KSR2: variants seen among roughly 807,000 people sequenced by gnomAD.
KSR2 encodes kinase suppressor of ras 2.
A neutral mutation model predicts 107.8 loss-of-function variants in KSR2; 25 were observed. That is an observed-to-expected ratio of 0.23 (90% confidence interval 0.17 to 0.32). The LOEUF (loss-of-function observed/expected upper bound fraction) is 0.32, where lower values mean the gene tolerates loss of function less well. Ranked by LOEUF, KSR2 falls within the 10% of genes least tolerant of loss-of-function variation. The pLI, the probability that KSR2 is intolerant of heterozygous loss-of-function variation, is 1.00. For missense variants in KSR2, 887 were observed against 1,268.9 expected, an observed-to-expected ratio of 0.70 and a Z score of 4.57; for synonymous variants, 480 against 507.0, an observed-to-expected ratio of 0.95 and a Z score of 0.71.
chr12:117,660,212 C>T (rs1291982599), intron 5 of KSR2, among the ~76,000 whole-genome samples: 2 of 152,122 alleles, frequency 1.3e-5, no homozygotes, highest in South Asian at 2.1e-4. Context: ...AGGAGGTCTG[C>T]GTTGGTTTCC....
At chr12:117,489,463 C>G (rs1303591982) in intron 14 of KSR2, among the ~76,000 whole-genome samples, 3 of 150,272 alleles carry the variant, frequency 2.0e-5, no homozygotes, top group Admixed American at 6.7e-5. Flanking sequence ...GGGAGGATCT[C>G]TTGAGTCCAG....
At chr12:117,855,955 G>A (rs1893089284) in intron 2 of KSR2, among the ~76,000 whole-genome samples, 1 of 152,100 alleles carries the variant, frequency 6.6e-6, no homozygotes, top group African/African-American at 2.4e-5. Flanking sequence ...CCACTCTGCA[G>A]GGACTCATCT....
intron 1 of KSR2, among the ~76,000 whole-genome samples, chr12:117,872,864 A>T (rs139377129): frequency 6.6e-6 from 1 of 152,182 alleles, no homozygotes; most frequent in Non-Finnish European, 1.5e-5. Context: ...GCTCATTTGT[A>T]CAATAGGCTC....
chr12:117,579,253 C>G (rs376412131), intron 6 of KSR2, 51 bp from the exon 7 acceptor site: 89 of 1,305,804 alleles, frequency 6.8e-5, no homozygotes, highest in Non-Finnish European at 9.3e-5. Flanking sequence ...GGCGACTGAC[C>G]TATCTCTAGA....
intron 2 of KSR2, among the ~76,000 whole-genome samples, chr12:117,856,079 C>T (rs1269813079): frequency 6.6e-6 from 1 of 152,154 alleles, no homozygotes; most frequent in East Asian, 1.9e-4. Flanking sequence ...AGGGCTCACA[C>T]TGGTCTTCAG....
At position 117,777,175 on chromosome 12, in the gene KSR2, C is replaced by CTATATATATATATATATATATATA. The variant is rs56862811; in HGVS notation, c.473-15652_473-15651insTATATATATATATATATATATATA. Among the ~76,000 whole-genome samples, 57 of 136,778 alleles carry CTATATATATATATATATATATATA rather than the reference C, an allele frequency of 4.2e-4. 1 individual carries two copies. Among genetic ancestry groups the CTATATATATATATATATATATATA allele is most frequent in the African/African-American group, 1.5e-3 (55 of 35,766 alleles). 89.7% of individuals were successfully genotyped at this position (136,778 alleles called of 152,430 possible). A position where few individuals can be genotyped will look rare whatever the true frequency, so the allele number is the denominator to read the frequency against. ...TATATACACACCATACATATATACA[C>CTATATATATATATATATATATATA]TATATATATATATATATAGTTGATT... On this transcript the variant is annotated intron_variant, in intron 3 of 19. Coordinates refer to ENST00000339824, the MANE Select transcript of KSR2 (RefSeq NM_173598.6).
intron 4 of KSR2, among the ~76,000 whole-genome samples, chr12:117,737,173 T>C (rs1296104712): frequency 6.6e-6 from 1 of 152,248 alleles, no homozygotes; most frequent in Non-Finnish European, 1.5e-5. Context: ...CTGAGAATAC[T>C]CTTGTCTCTA....
At chr12:117,879,041 A>C (rs1893952765) in intron 1 of KSR2, among the ~76,000 whole-genome samples, 1 of 152,186 alleles carries the variant, frequency 6.6e-6, no homozygotes, top group Non-Finnish European at 1.5e-5. Context: ...ACCTCAGGCA[A>C]TCAGGGAATT....
intron 1 of KSR2, among the ~76,000 whole-genome samples, chr12:117,900,420 C>T (rs574227448): frequency 3.7e-4 from 57 of 152,308 alleles, no homozygotes; most frequent in Admixed American, 3.3e-3. Flanking sequence ...CTTTAGCACA[C>T]AGTGGGTCCT....
At position 117,855,356 on chromosome 12, in the gene KSR2, C is replaced by T. The variant is rs542962289; in HGVS notation, c.472+72G>A. The T allele has an allele frequency of 1.8e-4, 275 of 1,559,382 alleles. 2 individuals carry two copies. The South Asian group carries it at 3.1e-3, about 18-fold the overall frequency. On this transcript the variant is annotated intron_variant, in intron 3 of 19. Coordinates refer to ENST00000339824, the MANE Select transcript of KSR2 (RefSeq NM_173598.6). ...TCGTCCTGGCCTGCAGTGGCGGGCA[C>T]GGGATGCCGAGGGACCGCGGCAGCT...
At chr12:117,899,550 T>G (rs1894621954) in intron 1 of KSR2, among the ~76,000 whole-genome samples, 1 of 152,098 alleles carries the variant, frequency 6.6e-6, no homozygotes, top group Non-Finnish European at 1.5e-5. Context: ...AGTTAAATAG[T>G]TTTGCCAAAG....
At chr12:117,674,499 G>C in intron 4 of KSR2, 1 of 441,312 alleles carries the variant, frequency 2.3e-6, no homozygotes, top group Non-Finnish European at 4.6e-6. Context: ...TTACGCATTA[G>C]TCACTCCCAT....
intron 7 of KSR2, among the ~76,000 whole-genome samples, chr12:117,577,367 G>GA (rs1491328336): frequency 1.3e-4 from 13 of 103,362 alleles, no homozygotes; most frequent in East Asian, 6.4e-4. Context: ...GAGAGAGAGA[G>GA]GGGGGGAGAG....
At position 117,968,531 on chromosome 12, in the gene KSR2, C is replaced by G; in HGVS notation, c.-276G>C. On this transcript the variant is annotated 5_prime_UTR_variant, in exon 1 of 20. Transcript: ENST00000339824. ...CTCTGGTCCCTGAAAAGGAGAGATG[C>G]TGTTTCTCAGAAGCAAACCAGGTGA... The G allele has an allele frequency of 8.2e-7, 1 of 1,214,102 alleles. No homozygotes were observed. Among genetic ancestry groups the G allele is most frequent in the Non-Finnish European group, 1.0e-6 (1 of 977,988 alleles). The allele number at this position is 1,214,102 out of a possible 1,614,324, so 75.2% of individuals were successfully genotyped here. A position where few individuals can be genotyped will look rare whatever the true frequency, so the allele number is the denominator to read the frequency against.
intron 1 of KSR2, among the ~76,000 whole-genome samples, chr12:117,943,022 A>T (rs1896058225): frequency 6.6e-6 from 1 of 152,168 alleles, no homozygotes; most frequent in African/African-American, 2.4e-5. Context: ...TCTTATGTCA[A>T]CTTTTCAGGG....
intron 7 of KSR2, among the ~76,000 whole-genome samples, chr12:117,574,378 G>A (rs905458590): frequency 2.0e-5 from 3 of 152,050 alleles, no homozygotes; most frequent in Admixed American, 6.5e-5. Context: ...TCATGCTGCC[G>A]ATAAAGACAT....
chr12:117,684,448 A>G (rs556224423), intron 4 of KSR2, among the ~76,000 whole-genome samples: 1 of 152,302 alleles, frequency 6.6e-6, no homozygotes, highest in Non-Finnish European at 1.5e-5. Flanking sequence ...ATGAATGCTC[A>G]CGGGCTTTCC....
chr12:117,898,147 A>G (rs1354827163), intron 1 of KSR2, among the ~76,000 whole-genome samples: 1 of 152,176 alleles, frequency 6.6e-6, no homozygotes, highest in Non-Finnish European at 1.5e-5. Flanking sequence ...CAAAAGAGTA[A>G]CGGGATCATG....
At chr12:117,955,730 C>T (rs1896490746) in intron 1 of KSR2, among the ~76,000 whole-genome samples, 1 of 151,826 alleles carries the variant, frequency 6.6e-6, no homozygotes, top group Admixed American at 6.6e-5. Flanking sequence ...CAGTCCTCAT[C>T]AAGACCAAGA....
Sources: gnomAD v4.1 joint callset for allele counts (sites outside exome capture counted in the v4.1 genomes callset) on GRCh38, gnomAD v4.1.1 for gene constraint, MANE v1.5 for transcripts, NCBI Gene and HGNC (gene_info 2026-07-23, HGNC 2026-07-21) for gene names.